Variants in UTP20 observed in about 807,000 individuals in gnomAD.
UTP20 encodes the protein small subunit processome component 20 homolog.
UTP20 carries 164 observed loss-of-function variants against 329.5 expected under a neutral mutation model. That is an observed-to-expected ratio of 0.50 (90% CI 0.44 to 0.57). The LOEUF (loss-of-function observed/expected upper bound fraction) is 0.57, where lower values mean the gene tolerates loss of function less well. Ranked by LOEUF, UTP20 falls within the 20% of genes least tolerant of loss-of-function variation. The pLI is 0.00. For missense variants in UTP20, 3,055 were observed against 3,284.2 expected, an observed-to-expected ratio of 0.93 and a Z score of 1.71; for synonymous variants, 1,151 against 1,159.3, an observed-to-expected ratio of 0.99 and a Z score of 0.14.
chr12:101,345,271 T>G (rs1402698530), intron 36 of UTP20, among the ~76,000 whole-genome samples: 2 of 151,978 alleles, frequency 1.3e-5, no homozygotes, highest in Non-Finnish European at 1.5e-5. Context: ...CTAATATAGC[T>G]GTCAGGTTTT....
intron 38 of UTP20, 103 bp from the exon 39 acceptor site, chr12:101,351,952 T>C (rs1593444606): frequency 1.5e-6 from 2 of 1,356,540 alleles, no homozygotes; most frequent in African/African-American, 2.9e-5. Flanking sequence ...CTTTCTCTTC[T>C]GTAATTACTG....
chr12:101,355,378 A>G (rs1206856908), intron 41 of UTP20, among the ~76,000 whole-genome samples: 3 of 152,010 alleles, frequency 2.0e-5, no homozygotes, highest in Non-Finnish European at 4.4e-5. Context: ...TTATTAAGAG[A>G]CTCCCATGTC....
chr12:101,319,861 A>G (rs1873093323), intron 23 of UTP20, among the ~76,000 whole-genome samples: 1 of 152,096 alleles, frequency 6.6e-6, no homozygotes, highest in Non-Finnish European at 1.5e-5. Flanking sequence ...GTGACTAAAC[A>G]TTGATTGGCT....
At chr12:101,323,915 G>C (rs1868463951) in intron 25 of UTP20, among the ~76,000 whole-genome samples, 1 of 152,012 alleles carries the variant, frequency 6.6e-6, no homozygotes, top group Non-Finnish European at 1.5e-5. Flanking sequence ...GAGGTGGATG[G>C]ATCCCGAGGT....
intron 32 of UTP20, among the ~76,000 whole-genome samples, chr12:101,341,360 C>T (rs1157785180): frequency 2.0e-5 from 3 of 152,002 alleles, no homozygotes; most frequent in Non-Finnish European, 4.4e-5. Context: ...GCTAAGTGTT[C>T]CTGATATGAT....
rs1370908623 is a variant in UTP20 at position 101,386,115 on chromosome 12, G to A, written c.8350G>A (p.Val2784Met). ...KSHSLKDLAM[V>M]E is the part of the protein sequence containing the mutation. ...CCATAGCCTGAAAGATTTAGCAATG[G>A]TGGAGTAATGTCTCCCTGTGCTGAT... Residue 2784 changes from valine to methionine, a missense_variant, in exon 62 of 62, where the codon GTG becomes ATG. By Grantham distance (21) the Val-to-Met change is conservative. Transcript: ENST00000261637. The A allele has an allele frequency of 6.2e-7, 1 of 1,604,762 alleles. No individual in the cohort carries two copies. Among genetic ancestry groups the A allele is most frequent in the Non-Finnish European group, 8.5e-7 (1 of 1,178,290 alleles).
intron 26 of UTP20, among the ~76,000 whole-genome samples, chr12:101,328,474 C>T (rs760582916): frequency 3.9e-5 from 6 of 152,222 alleles, no homozygotes; most frequent in Non-Finnish European, 8.8e-5. Context: ...ACTTGATTCT[C>T]AGCCTTCAAG....
chr12:101,312,857 T>A (rs1195198031), intron 21 of UTP20, among the ~76,000 whole-genome samples: 1 of 152,244 alleles, frequency 6.6e-6, no homozygotes, highest in Non-Finnish European at 1.5e-5. Context: ...TTGATCTAAA[T>A]CAAAATTTAA....
intron 12 of UTP20, among the ~76,000 whole-genome samples, chr12:101,298,297 G>A (rs1385352398): frequency 6.6e-6 from 1 of 152,140 alleles, no homozygotes; most frequent in African/African-American, 2.4e-5. Context: ...AGAAGACAAA[G>A]CAGTGTTGAG....
intron 32 of UTP20, among the ~76,000 whole-genome samples, chr12:101,341,299 A>T (rs546866423): frequency 8.5e-5 from 12 of 140,776 alleles, no homozygotes; most frequent in African/African-American, 3.1e-4. Context: ...TCTTAATTGT[A>T]GATCACAGTG....
chr12:101,358,234 G>C (rs765193291), intron 43 of UTP20, among the ~76,000 whole-genome samples: 6 of 152,120 alleles, frequency 3.9e-5, no homozygotes, highest in Non-Finnish European at 8.8e-5. Flanking sequence ...TATTTCAATA[G>C]TCTACTGAGA....
At chr12:101,361,920 A>G (rs1466255517) in intron 43 of UTP20, 42 bp from the exon 44 acceptor site, 1 of 1,459,010 alleles carries the variant, frequency 6.9e-7, no homozygotes, top group Non-Finnish European at 9.6e-7. Context: ...TCCTAGTGTG[A>G]CATTGTTAAT....
chr12:101,293,291 C>T (rs1464386824), intron 11 of UTP20, 46 bp downstream of exon 11: 1 of 1,545,334 alleles, frequency 6.5e-7, no homozygotes, highest in Non-Finnish European at 8.9e-7. Flanking sequence ...ACAAATCTGT[C>T]AGGAAAAAAC....
chr12:101,281,156 A>G lies in UTP20; in HGVS notation c.86A>G (p.Asp29Gly), dbSNP rs772093974. 1 of 1,613,318 alleles carries G rather than the reference A, an allele frequency of 6.2e-7. No individual in the cohort carries two copies. The highest frequency in any genetic ancestry group is 2.2e-5 in the East Asian group (1 of 44,822). Residue 29 changes from aspartate (D) to glycine (G), a missense_variant, in exon 2 of 62, where the codon GAT becomes GGT. Physicochemically the swap from Asp to Gly is moderately conservative, Grantham distance 94. Coordinates refer to ENST00000261637, the MANE Select transcript of UTP20 (RefSeq NM_014503.3). ...FAERLGNVNI[D>G]IIHRIDRTAS... Reference sequence around the variant, plus strand: ...GAACGACTGGGGAATGTTAATATTGATATTATTCACCGGATTGATAGAACT... The same window carrying G: ...GAACGACTGGGGAATGTTAATATTGGTATTATTCACCGGATTGATAGAACT...
At chr12:101,358,449 T>C (rs1179344447) in intron 43 of UTP20, among the ~76,000 whole-genome samples, 2 of 152,234 alleles carry the variant, frequency 1.3e-5, no homozygotes, top group African/African-American at 4.8e-5. Context: ...TACCTAGATA[T>C]TTACTATTTC....
chr12:101,282,903 T>C (rs1425907168), intron 2 of UTP20, among the ~76,000 whole-genome samples: 1 of 152,202 alleles, frequency 6.6e-6, no homozygotes, highest in African/African-American at 2.4e-5. Flanking sequence ...ATAGGACTTG[T>C]GACCTACTGG....
intron 38 of UTP20, among the ~76,000 whole-genome samples, chr12:101,348,219 G>GT (rs1446653860): frequency 1.3e-5 from 2 of 152,138 alleles, no homozygotes; most frequent in African/African-American, 2.4e-5. Context: ...ACTGGGTCTT[G>GT]TTTTTTATCC....
chr12:101,292,253 T>C (rs1436381177), intron 10 of UTP20, 149 bp downstream of exon 10: 1 of 947,208 alleles, frequency 1.1e-6, no homozygotes, highest in African/African-American at 1.7e-5. Flanking sequence ...CATGCAGTAA[T>C]GTAAATAAAC....
intron 25 of UTP20, among the ~76,000 whole-genome samples, chr12:101,324,290 GGCAGTGGTGCCA>G (rs1331959139): frequency 6.6e-6 from 1 of 151,286 alleles, no homozygotes; most frequent in African/African-American, 2.4e-5. Context: ...CAGGCTGGAA[GGCAGTGGTGCCA>G]GCACAGCTCA....
Sources: gnomAD v4.1 joint callset for allele counts (sites outside exome capture counted in the v4.1 genomes callset) on GRCh38, gnomAD v4.1.1 for gene constraint, MANE v1.5 for transcripts, NCBI Gene and HGNC (gene_info 2026-07-23, HGNC 2026-07-21) for gene names.